The following EPS8L2 variants were observed in gnomAD, a reference collection of about 807,000 sequenced individuals.
The protein encoded by EPS8L2 is epidermal growth factor receptor kinase substrate 8-like protein 2.
Under a neutral mutation model 99.4 loss-of-function variants are expected in EPS8L2, and 81 were observed. The ratio of observed to expected loss-of-function variants is 0.82; its 90% CI spans 0.68 to 0.98. EPS8L2 has a LOEUF of 0.98. EPS8L2 is among the 50% of genes least tolerant of loss of function. EPS8L2 has a pLI of 0.00. For synonymous variants in EPS8L2, 509 were observed against 407.3 expected, an observed-to-expected ratio of 1.25 and a Z score of -3.01; for missense variants, 1,155 against 968.8, an observed-to-expected ratio of 1.19 and a Z score of -2.55.
chr11:719,986 A>G, intron 4 of EPS8L2, 76 bp from the exon 5 acceptor site: 1 of 1,462,968 alleles, frequency 6.8e-7, no homozygotes, highest in Non-Finnish European at 9.2e-7. Flanking sequence ...TCAGCCCCTC[A>G]GGCTGTGGCC....
At chr11:721,823 A>G (rs1862184500) in intron 10 of EPS8L2, 80 bp from the exon 11 acceptor site, 1 of 1,513,554 alleles carries the variant, frequency 6.6e-7, no homozygotes, top group African/African-American at 1.4e-5. Context: ...CAGCCCACAC[A>G]GATGGGCTGC....
At chr11:718,200 G>C (rs1862069864) in intron 4 of EPS8L2, among the ~76,000 whole-genome samples, 1 of 151,894 alleles carries the variant, frequency 6.6e-6, no homozygotes, top group Non-Finnish European at 1.5e-5. Flanking sequence ...GGGTGTGGTG[G>C]TGGGTGCCTA....
chr11:711,112 G>T (rs1861876243), intron 4 of EPS8L2, among the ~76,000 whole-genome samples: 1 of 152,160 alleles, frequency 6.6e-6, no homozygotes, highest in Non-Finnish European at 1.5e-5. Flanking sequence ...GGCCCGGGCT[G>T]CTTCTCAGGG....
intron 5 of EPS8L2, 152 bp downstream of exon 5, chr11:720,375 A>G: frequency 9.0e-7 from 1 of 1,109,680 alleles, no homozygotes; most frequent in Non-Finnish European, 1.3e-6. Flanking sequence ...AAGGGTGGGC[A>G]GAGGGCCGCA....
intron 4 of EPS8L2, among the ~76,000 whole-genome samples, chr11:718,103 C>T (rs139616035): frequency 0.019 from 2,857 of 152,232 alleles, 77 homozygotes; most frequent in African/African-American, 0.065. Flanking sequence ...GAGGCTGAGG[C>T]GGGCAGATAA....
chr11:726,430 A>G lies in EPS8L2; in HGVS notation c.1880A>G (p.Glu627Gly). Residue 627 changes from glutamate to glycine, a missense_variant, in exon 19 of 21, where the codon GAG (glutamate) becomes GGG (glycine). By Grantham distance (98) the Glu-to-Gly change is moderately conservative. Coordinates refer to ENST00000318562, the MANE Select transcript of EPS8L2 (RefSeq NM_022772.4). ...SQPVSQPLTY[E>G]SGPDEVRAWL... ...CCCGTGAGCCAGCCGCTCACCTACG[A>G]GTCGGGTCCGGACGAGGTCCGCGCC... 6.3e-7 allele frequency: 1 copy of G among 1,599,158 alleles called. No individual in the cohort carries two copies. The highest frequency in any genetic ancestry group is 8.5e-7 in the Non-Finnish European group (1 of 1,174,230).
At chr11:725,151 C>T (rs1422151342) in intron 16 of EPS8L2, among the ~76,000 whole-genome samples, 2 of 152,204 alleles carry the variant, frequency 1.3e-5, no homozygotes, top group African/African-American at 2.4e-5. Flanking sequence ...CTGCACTGGC[C>T]GCATCTGCCA....
At chr11:723,781 T>A (rs1442778328) in intron 15 of EPS8L2, among the ~76,000 whole-genome samples, 1 of 146,894 alleles carries the variant, frequency 6.8e-6, no homozygotes, top group Non-Finnish European at 1.5e-5. Flanking sequence ...GCCCCACCTG[T>A]TTCCAAAGAG....
In EPS8L2 at chr11:722,439, C is replaced by A. The variant is rs201787907; in HGVS notation, c.1098C>A (p.Ser366=). 6 of 1,613,334 alleles carry A rather than the reference C, an allele frequency of 3.7e-6. No homozygotes were observed. Among genetic ancestry groups the A allele is most frequent in the East Asian group, 2.2e-5 (1 of 44,886 alleles). ...GCAGTGGCCCAGACATCGCACGCTC[C>A]GTCTCCTGCCCACTGCTCTCCCGAG... The part of the protein sequence containing the change: ...NTCSGPDIAR[S]VSCPLLSRDA... The change falls in exon 13 of 21, where the codon TCC becomes TCA. Residue 366 remains serine, a synonymous_variant. Coordinates refer to ENST00000318562, the MANE Select transcript of EPS8L2 (RefSeq NM_022772.4).
At position 721,902 on chromosome 11, in the gene EPS8L2, G is replaced by A. The variant is rs1156533398; in HGVS notation, c.896-1G>A. On this transcript the variant is annotated splice_acceptor_variant, in intron 10 of 20. Coordinates refer to ENST00000318562, the MANE Select transcript of EPS8L2 (RefSeq NM_022772.4). LOFTEE classifies it high-confidence loss of function. ...GGCTCACGCGGTGCCTCCCATGCCAGAGGGCGTCCTCACACTGCGGGCACG... is the reference window on the plus strand; with the variant it reads ...GGCTCACGCGGTGCCTCCCATGCCAAAGGGCGTCCTCACACTGCGGGCACG... 2 of 1,584,296 alleles carry A rather than the reference G, an allele frequency of 1.3e-6. No homozygotes were observed. Among genetic ancestry groups the A allele is most frequent in the East Asian group, 2.3e-5 (1 of 43,018 alleles).
chr11:724,695 T>A lies in EPS8L2; in HGVS notation c.1455-29T>A. On this transcript the variant is annotated intron_variant, in intron 15 of 20. Transcript: ENST00000318562. The surrounding 1 kb of genome is among the most constrained non-coding windows in gnomAD (Gnocchi z 5.5). ...GTCTCAGAGGAGACCCCCACCAGAC[T>A]GGGCCTCAGCCCCTCCTGTTCCTCA... is the stretch of plus-strand genomic sequence containing the variant. The A allele has an allele frequency of 1.3e-6, 2 of 1,545,608 alleles. No homozygotes were observed. The highest frequency in any genetic ancestry group is 1.8e-6 in the Non-Finnish European group (2 of 1,118,906).
chr11:725,905 T>TGCGCCTAGCCCCGCCC, intron 17 of EPS8L2, 58 bp downstream of exon 17: 1 of 1,364,584 alleles, frequency 7.3e-7, no homozygotes, highest in Non-Finnish European at 9.4e-7. Flanking sequence ...CAGCCCCGCC[T>TGCGCCTAGCCCCGCCC]GCGCCTAGCC....
rs538994224 is a variant in EPS8L2 at position 724,567 on chromosome 11, G to C, written c.1455-157G>C. On this transcript the variant is annotated intron_variant, in intron 15 of 20. Coordinates refer to ENST00000318562, the MANE Select transcript of EPS8L2 (RefSeq NM_022772.4). The surrounding 1 kb of genome is among the most constrained non-coding windows in gnomAD (Gnocchi z 5.5). Reference sequence around the variant, plus strand: ...CTGGGGCTGTCACAGTTTCCATTCCGGGCTGACGCTGCCTGCAGCCTCTCT... The same window carrying C: ...CTGGGGCTGTCACAGTTTCCATTCCCGGCTGACGCTGCCTGCAGCCTCTCT... 15 of 617,476 alleles carry C rather than the reference G, an allele frequency of 2.4e-5. No homozygotes were observed. The highest frequency in any genetic ancestry group is 2.2e-4 in the South Asian group (12 of 53,544). 38.2% of individuals were successfully genotyped at this position (617,476 alleles called of 1,614,324 possible). A position where few individuals can be genotyped will look rare whatever the true frequency, so the allele number is the denominator to read the frequency against.
chr11:716,425 T>A (rs1291153158), intron 4 of EPS8L2, among the ~76,000 whole-genome samples: 1 of 152,044 alleles, frequency 6.6e-6, no homozygotes, highest in African/African-American at 2.4e-5. Flanking sequence ...TGGGATAATT[T>A]TTGTATTTTC....
At chr11:721,726 G>A (rs771264525) in intron 10 of EPS8L2, 35 bp downstream of exon 10, 1 of 1,282,610 alleles carries the variant, frequency 7.8e-7, no homozygotes. Context: ...GCAGGTGCAG[G>A]GGACGGGGCC....
chr11:720,687 T>C lies in EPS8L2; in HGVS notation c.418T>C (p.Cys140Arg). 1 of 1,596,020 alleles carries C rather than the reference T, an allele frequency of 6.3e-7. No homozygotes were observed. Among genetic ancestry groups the C allele is most frequent in the Non-Finnish European group, 8.5e-7 (1 of 1,172,734 alleles). Residue 140 changes from cysteine to arginine, a missense_variant, in exon 6 of 21, where the codon TGC becomes CGC. Physicochemically the swap from Cys to Arg is radical, Grantham distance 180. Transcript: ENST00000318562. ...LRYPSVLLLV[C>R]QDSEQSKPDV... ...CTACCCGTCTGTGCTGCTGCTCGTG[T>C]GCCAGGACTCGGAGCAGAGCAAGCC... is the stretch of plus-strand genomic sequence containing the variant.
chr11:726,969 G>C lies in EPS8L2; in HGVS notation c.2136G>C (p.Gly712=). Reference sequence around the variant, plus strand: ...TTCATTCCATGAATCAGAGGAGGGGGGAGGACAGCTAGGCCCAGCTGCCTT... The same window carrying C: ...TTCATTCCATGAATCAGAGGAGGGGCGAGGACAGCTAGGCCCAGCTGCCTT... The part of the protein sequence containing the change: ...NKFHSMNQRR[G]EDS The change falls in exon 21 of 21, where the codon GGG becomes GGC. Residue 712 remains glycine (G), a synonymous_variant. Coordinates refer to ENST00000318562, the MANE Select transcript of EPS8L2 (RefSeq NM_022772.4). 6.2e-7 allele frequency: 1 copy of C among 1,612,954 alleles called. No individual in the cohort carries two copies. Among genetic ancestry groups the C allele is most frequent in the Non-Finnish European group, 8.5e-7 (1 of 1,179,618 alleles).
chr11:708,088 T>C (rs1475101596), intron 1 of EPS8L2, among the ~76,000 whole-genome samples: 2 of 152,018 alleles, frequency 1.3e-5, no homozygotes, highest in Non-Finnish European at 2.9e-5. Flanking sequence ...TCCCGGGTGC[T>C]CCGAGCCACT....
At position 720,806 on chromosome 11, in the gene EPS8L2, GCCGCCTGA is replaced by G. The variant is rs1564975500; in HGVS notation, c.478-22_478-15del. ...CGCCGCGCCGCGCCCCGCCCTCCTG[GCCGCCTGA>G]CGCCCGCTTTCCCAGGCAGAGCTGG... is the stretch of plus-strand genomic sequence containing the variant. On this transcript the variant is annotated splice_polypyrimidine_tract_variant and intron_variant, in intron 6 of 20. Coordinates refer to ENST00000318562, the MANE Select transcript of EPS8L2 (RefSeq NM_022772.4). The G allele has an allele frequency of 6.5e-7, 1 of 1,543,246 alleles. No individual in the cohort carries two copies. Among genetic ancestry groups the G allele is most frequent in the Non-Finnish European group, 8.7e-7 (1 of 1,145,454 alleles).
Sources: allele counts gnomAD v4.1 joint callset (sites outside exome capture counted in the v4.1 genomes callset), GRCh38; gene constraint gnomAD v4.1.1; non-coding constraint Gnocchi (gnomAD v3.1); transcripts MANE v1.5; gene names NCBI Gene and HGNC (gene_info 2026-07-23, HGNC 2026-07-21).